TMEM132D: variants seen among roughly 807,000 people sequenced by gnomAD.
TMEM132D encodes transmembrane protein 132D, also known as mature OL transmembrane protein.
A neutral mutation model predicts 62.3 loss-of-function variants in TMEM132D; 21 were observed. That is an observed-to-expected ratio of 0.34 (90% CI 0.24 to 0.49). TMEM132D has a LOEUF of 0.49. Ranked by LOEUF, TMEM132D falls within the 20% of genes least tolerant of loss-of-function variation. The pLI, the probability that TMEM132D is intolerant of heterozygous loss-of-function variation, is 0.99. For synonymous variants in TMEM132D, 621 were observed against 575.6 expected (o/e 1.08, Z -1.13); for missense variants, 1,346 against 1,402.8 (o/e 0.96, Z 0.65).
intron 3 of TMEM132D, among the ~76,000 whole-genome samples, chr12:129,512,681 G>C (rs1158162921): frequency 1.3e-5 from 2 of 152,322 alleles, no homozygotes; most frequent in African/African-American, 4.8e-5. Flanking sequence ...TTTCCAACGA[G>C]GCTCACTTAT....
At chr12:129,750,329 C>T (rs993561739) in intron 1 of TMEM132D, among the ~76,000 whole-genome samples, 1 of 152,136 alleles carries the variant, frequency 6.6e-6, no homozygotes, top group South Asian at 2.1e-4. Flanking sequence ...CATGATCTGG[C>T]CTGCCTCGGC....
intron 3 of TMEM132D, among the ~76,000 whole-genome samples, chr12:129,519,876 T>C (rs947964511): frequency 1.3e-5 from 2 of 152,152 alleles, no homozygotes; most frequent in Admixed American, 6.5e-5. Flanking sequence ...CCCAAAGTTA[T>C]GGGATTACAG....
chr12:129,546,450 G>A (rs77105465), intron 2 of TMEM132D, among the ~76,000 whole-genome samples: 5,796 of 152,146 alleles, frequency 0.038, 359 homozygotes, highest in African/African-American at 0.13. Context: ...AGAAACCTAA[G>A]CTACACCTGC....
chr12:129,142,241 C>T (rs1286080996), intron 5 of TMEM132D, among the ~76,000 whole-genome samples: 2 of 152,112 alleles, frequency 1.3e-5, no homozygotes, highest in African/African-American at 4.8e-5. Flanking sequence ...GAACTTTCTG[C>T]CCCTATCGTA....
intron 5 of TMEM132D, among the ~76,000 whole-genome samples, chr12:129,207,885 G>C (rs1878902444): frequency 6.6e-6 from 1 of 152,146 alleles, no homozygotes; most frequent in Non-Finnish European, 1.5e-5. Context: ...CTCCACCTAA[G>C]ATATTTGTTG....
At chr12:129,345,174 C>T (rs2135664567) in intron 3 of TMEM132D, among the ~76,000 whole-genome samples, 1 of 152,126 alleles carries the variant, frequency 6.6e-6, no homozygotes, top group South Asian at 2.1e-4. Flanking sequence ...TGTTAAAGTC[C>T]ATGTTGTGGT....
chr12:129,129,815 G>A (rs1876319613), intron 5 of TMEM132D, among the ~76,000 whole-genome samples: 1 of 152,106 alleles, frequency 6.6e-6, no homozygotes, highest in African/African-American at 2.4e-5. Flanking sequence ...GTTCATGAAT[G>A]CAACTCTAAA....
chr12:129,339,361 G>A (rs1204090656), intron 3 of TMEM132D, among the ~76,000 whole-genome samples: 3 of 27,474 alleles, frequency 1.1e-4, no homozygotes, highest in Non-Finnish European at 2.8e-4. Context: ...GGAGAAATGA[G>A]ATGAGAAGAA....
intron 3 of TMEM132D, among the ~76,000 whole-genome samples, chr12:129,429,658 T>A (rs1872597442): frequency 6.6e-6 from 1 of 151,636 alleles, no homozygotes; most frequent in African/African-American, 2.4e-5. Flanking sequence ...TATGTATACA[T>A]GTGCCATGTT....
At chr12:129,870,361 A>T (rs532190476) in intron 1 of TMEM132D, among the ~76,000 whole-genome samples, 1 of 152,250 alleles carries the variant, frequency 6.6e-6, no homozygotes, top group South Asian at 2.1e-4. Flanking sequence ...AGCACCACAA[A>T]GACCATGCAT....
At chr12:129,751,572 C>A (rs566939635) in intron 1 of TMEM132D, among the ~76,000 whole-genome samples, 3 of 152,176 alleles carry the variant, frequency 2.0e-5, no homozygotes, top group African/African-American at 7.2e-5. Context: ...TGACTCAGGA[C>A]CCTGCCCTTA....
intron 3 of TMEM132D, among the ~76,000 whole-genome samples, chr12:129,428,052 AC>A (rs1297266201): frequency 1.3e-5 from 2 of 152,186 alleles, no homozygotes; most frequent in African/African-American, 4.8e-5. Flanking sequence ...TACCCAATAA[AC>A]AAAAACACAA....
chr12:129,278,387 T>C (rs189929989), intron 4 of TMEM132D, among the ~76,000 whole-genome samples: 1 of 152,242 alleles, frequency 6.6e-6, no homozygotes, highest in East Asian at 1.9e-4. Context: ...GCTGGGGACA[T>C]CTGGAAGGTC....
At chr12:129,875,152 C>T (rs1006524757) in intron 1 of TMEM132D, among the ~76,000 whole-genome samples, 7 of 152,246 alleles carry the variant, frequency 4.6e-5, no homozygotes, top group Non-Finnish European at 7.3e-5. Context: ...GCAGTAGTGA[C>T]AGAGACCGCA....
At chr12:129,353,357 G>A (rs1040971005) in intron 3 of TMEM132D, among the ~76,000 whole-genome samples, 1 of 152,126 alleles carries the variant, frequency 6.6e-6, no homozygotes, top group African/African-American at 2.4e-5. Context: ...ATGTCTGTGA[G>A]AATGAATAAA....
chr12:129,646,254 C>G (rs1303643162), intron 2 of TMEM132D, among the ~76,000 whole-genome samples: 1 of 152,178 alleles, frequency 6.6e-6, no homozygotes, highest in African/African-American at 2.4e-5. Flanking sequence ...CGCACTGTCT[C>G]TTTTATTCTC....
At chr12:129,697,317 T>A (rs1174918377) in intron 2 of TMEM132D, among the ~76,000 whole-genome samples, 2 of 152,202 alleles carry the variant, frequency 1.3e-5, no homozygotes, top group Non-Finnish European at 2.9e-5. Context: ...TATGCTAAAT[T>A]AGTGTCAAAT....
intron 1 of TMEM132D, among the ~76,000 whole-genome samples, chr12:129,735,312 T>C (rs1869390176): frequency 1.3e-5 from 2 of 152,174 alleles, no homozygotes; most frequent in African/African-American, 4.8e-5. Flanking sequence ...ACCTGGCATT[T>C]AAAAGGTGGT....
chr12:129,403,574 CA>C (rs1043721801), intron 3 of TMEM132D, among the ~76,000 whole-genome samples: 2 of 151,962 alleles, frequency 1.3e-5, no homozygotes, highest in African/African-American at 4.8e-5. Context: ...GCAAATCTGA[CA>C]AAAGCAAGGA....
Sources: allele counts gnomAD v4.1 joint callset (sites outside exome capture counted in the v4.1 genomes callset), GRCh38; gene constraint gnomAD v4.1.1; transcripts MANE v1.5; gene names NCBI Gene and HGNC (gene_info 2026-07-23, HGNC 2026-07-21).